Variants in KCNQ3 observed in about 807,000 individuals in gnomAD.
KCNQ3 encodes potassium voltage-gated channel subfamily KQT member 3.
KCNQ3 carries 30 observed loss-of-function variants against 92.5 expected under a neutral mutation model. The observed-to-expected ratio is 0.32, with a 90% CI of 0.24 to 0.44. KCNQ3 has a LOEUF of 0.44. KCNQ3 is among the 20% of genes least tolerant of loss of function. The pLI, the probability that KCNQ3 is intolerant of heterozygous loss-of-function variation, is 1.00. For synonymous variants in KCNQ3, 450 were observed against 468.8 expected (o/e 0.96, Z 0.52); for missense variants, 913 against 1,140.3 (o/e 0.80, Z 2.87).
chr8:132,460,827 C>A (rs541096490), intron 1 of KCNQ3, among the ~76,000 whole-genome samples: 1 of 152,150 alleles, frequency 6.6e-6, no homozygotes. Flanking sequence ...TCCACCATTA[C>A]GGAATCACAC....
chr8:132,153,734 G>GC (rs35446698), intron 9 of KCNQ3, among the ~76,000 whole-genome samples: 8,800 of 150,658 alleles, frequency 0.058, 306 homozygotes, highest in South Asian at 0.12. Context: ...TACCCCGCAA[G>GC]CCCCCCCCCC....
intron 1 of KCNQ3, among the ~76,000 whole-genome samples, chr8:132,314,154 A>C (rs754882025): frequency 5.5e-4 from 83 of 152,238 alleles, no homozygotes; most frequent in Admixed American, 1.5e-3. Context: ...CAAGGCTGTG[A>C]AGTGGCTGGA....
In KCNQ3 at chr8:132,129,500, G is replaced by C. The variant is rs267601778; in HGVS notation, c.2381C>G (p.Ser794Trp). The C allele has an allele frequency of 6.2e-7, 1 of 1,614,200 alleles. No homozygotes were observed. The highest frequency in any genetic ancestry group is 8.5e-7 in the Non-Finnish European group (1 of 1,180,044). ...CCTCTCCAGCTCCTCGTGGTTGACC[G>C]ACATCAGGGACAGAGGTGTGTCACT... ...RDSDTPLSLM[S>W]VNHEELERSP... Residue 794 changes from serine to tryptophan, a missense_variant, in exon 15 of 15, where the codon TCG becomes TGG. Physicochemically the swap from Ser to Trp is radical, Grantham distance 177. Transcript: ENST00000388996. This position sits in a 1 kb window ranked among gnomAD's most constrained non-coding sequence, Gnocchi z 5.9.
chr8:132,359,345 G>A (rs917097577), intron 1 of KCNQ3, among the ~76,000 whole-genome samples: 2 of 152,176 alleles, frequency 1.3e-5, no homozygotes, highest in Non-Finnish European at 2.9e-5. Flanking sequence ...CATTGTTGGT[G>A]CATGGATTGG....
At chr8:132,383,537 T>G (rs574892543) in intron 1 of KCNQ3, among the ~76,000 whole-genome samples, 5 of 152,264 alleles carry the variant, frequency 3.3e-5, no homozygotes, top group African/African-American at 1.2e-4. Context: ...TGAGATGGTT[T>G]GGGGTCCCCA....
intron 1 of KCNQ3, among the ~76,000 whole-genome samples, chr8:132,400,318 G>A (rs1490026228): frequency 1.3e-5 from 2 of 152,182 alleles, no homozygotes; most frequent in Non-Finnish European, 2.9e-5. Flanking sequence ...ATTTAACCAC[G>A]ATCCGATTTG....
intron 1 of KCNQ3, among the ~76,000 whole-genome samples, chr8:132,263,249 G>A (rs992792877): frequency 5.3e-5 from 8 of 152,176 alleles, no homozygotes; most frequent in Non-Finnish European, 7.3e-5. Flanking sequence ...GCAACTGCCT[G>A]GTAACCTATC....
At chr8:132,381,034 T>C (rs1819737643) in intron 1 of KCNQ3, among the ~76,000 whole-genome samples, 2 of 148,954 alleles carry the variant, frequency 1.3e-5, no homozygotes, top group South Asian at 4.2e-4. Flanking sequence ...AAAGGGAAAA[T>C]GGGCAGTCAG....
chr8:132,136,862 CTTT>C (rs34845943), intron 12 of KCNQ3, among the ~76,000 whole-genome samples: 124 of 123,354 alleles, frequency 1.0e-3, no homozygotes, highest in African/African-American at 3.3e-3. Flanking sequence ...GGCTGCATAA[CTTT>C]TTTTTTTTTT....
At chr8:132,317,629 G>T (rs956817217) in intron 1 of KCNQ3, among the ~76,000 whole-genome samples, 1 of 152,098 alleles carries the variant, frequency 6.6e-6, no homozygotes, top group African/African-American at 2.4e-5. Flanking sequence ...GCATCATCTC[G>T]GTCAGTCACA....
chr8:132,467,416 C>T (rs1563921782), intron 1 of KCNQ3, among the ~76,000 whole-genome samples: 1 of 152,180 alleles, frequency 6.6e-6, no homozygotes, highest in South Asian at 2.1e-4. Context: ...TTGTCATTAA[C>T]ATGGAGGTTT....
rs1824449917 is a variant in KCNQ3 at position 132,120,987 on chromosome 8, A to G, written c.*8275T>C. The G allele has an allele frequency of 6.6e-6, 1 of 152,210 alleles. No individual in the cohort carries two copies. Among genetic ancestry groups the G allele is most frequent in the African/African-American group, 2.4e-5 (1 of 41,452 alleles). The allele number at this position is 152,210 out of a possible 1,614,324, so 9.4% of individuals were successfully genotyped here. A position where few individuals can be genotyped will look rare whatever the true frequency, so the allele number is the denominator to read the frequency against. ...CCTATTAAAGTTGTTCAAATATTGGACAGAGCCAGAATATAAATTACACAT... is the reference window on the plus strand; with the variant it reads ...CCTATTAAAGTTGTTCAAATATTGGGCAGAGCCAGAATATAAATTACACAT... On this transcript the variant is annotated 3_prime_UTR_variant, in exon 15 of 15. Transcript: ENST00000388996.
chr8:132,355,344 C>T (rs541432886), intron 1 of KCNQ3, among the ~76,000 whole-genome samples: 25 of 152,056 alleles, frequency 1.6e-4, no homozygotes, highest in Non-Finnish European at 3.2e-4. Flanking sequence ...AGCACCATCA[C>T]AGCCACCCTG....
intron 1 of KCNQ3, among the ~76,000 whole-genome samples, chr8:132,209,909 T>C (rs1413676942): frequency 6.6e-6 from 1 of 152,216 alleles, no homozygotes; most frequent in Non-Finnish European, 1.5e-5. Context: ...TGTATGTTTG[T>C]GCATGTGTGT....
intron 4 of KCNQ3, among the ~76,000 whole-genome samples, chr8:132,176,511 T>G (rs1826559872): frequency 6.6e-6 from 1 of 152,216 alleles, no homozygotes; most frequent in Non-Finnish European, 1.5e-5. Context: ...TCATTCTTGC[T>G]GAGTCATCTC....
At chr8:132,156,476 G>C (rs1403599827) in intron 9 of KCNQ3, among the ~76,000 whole-genome samples, 1 of 152,114 alleles carries the variant, frequency 6.6e-6, no homozygotes, top group Non-Finnish European at 1.5e-5. Flanking sequence ...TGGTTAAAGA[G>C]AAGAAATGAC....
Position 132,141,149 on chromosome 8 carries a change from G to A in KCNQ3, c.1445C>T (p.Ala482Val), listed in dbSNP as rs372086771. 5 of 1,614,078 alleles carry A rather than the reference G, an allele frequency of 3.1e-6. No homozygotes were observed. The African/African-American group carries it at 6.7e-5, about 22-fold the overall frequency. ...ATTACCTTCAGAACTCTGCCAGAAA[G>A]CGTAGGCTTTCATGCGGAAGGCCGT... Reference protein sequence around the residue: ...FRTAFRMKAYAFWQSSEDAGT... With the variant: ...FRTAFRMKAYVFWQSSEDAGT... The change falls in exon 10 of 15, where the codon GCT becomes GTT. Residue 482 changes from alanine (A) to valine (V), a missense_variant. Physicochemically the swap from Ala to Val is moderately conservative, Grantham distance 64. This residue lies in a region of KCNQ3 where 182 missense variants were observed against 234.5 expected (regional missense o/e 0.78). Coordinates refer to ENST00000388996, the MANE Select transcript of KCNQ3 (RefSeq NM_004519.4).
intron 1 of KCNQ3, among the ~76,000 whole-genome samples, chr8:132,247,659 G>C (rs753670659): frequency 1.3e-5 from 2 of 151,960 alleles, no homozygotes; most frequent in African/African-American, 4.8e-5. Flanking sequence ...TTAGCCGGGC[G>C]TGGCGGTGGG....
At chr8:132,364,986 G>A (rs1819278875) in intron 1 of KCNQ3, among the ~76,000 whole-genome samples, 1 of 152,106 alleles carries the variant, frequency 6.6e-6, no homozygotes. Context: ...GGAAGTGGTT[G>A]TCTCCTATTG....
Sources: allele counts gnomAD v4.1 joint callset (sites outside exome capture counted in the v4.1 genomes callset), GRCh38; gene constraint gnomAD v4.1.1; regional missense constraint gnomAD v4.1.1; non-coding constraint Gnocchi (gnomAD v3.1); transcripts MANE v1.5; gene names NCBI Gene and HGNC (gene_info 2026-07-23, HGNC 2026-07-21).